The following LRP1B variants were observed in gnomAD, a reference collection of about 807,000 sequenced individuals.
LRP1B encodes the protein LDL receptor related protein 1B.
In LRP1B, 217 loss-of-function variants were observed where a neutral mutation model predicts 556.6. The observed-to-expected ratio is 0.39, with a 90% CI of 0.35 to 0.44. The LOEUF (loss-of-function observed/expected upper bound fraction) is 0.44. LRP1B is among the 20% of genes least tolerant of loss of function. The pLI, the probability that LRP1B is intolerant of heterozygous loss-of-function variation, is 1.00. For synonymous variants in LRP1B, 2,047 were observed against 1,865.8 expected (o/e 1.10, Z -2.50); for missense variants, 5,053 against 5,620.8 (o/e 0.90, Z 3.23).
At chr2:142,110,887 A>G (rs991366398) in intron 1 of LRP1B, among the ~76,000 whole-genome samples, 7 of 152,184 alleles carry the variant, frequency 4.6e-5, no homozygotes, top group African/African-American at 1.7e-4. Flanking sequence ...ATATCCATCT[A>G]TGGCAGCAAT....
intron 23 of LRP1B, among the ~76,000 whole-genome samples, chr2:140,892,622 C>T (rs1000973669): frequency 6.6e-6 from 1 of 152,142 alleles, no homozygotes; most frequent in African/African-American, 2.4e-5. Flanking sequence ...GGAACTGGTT[C>T]TACTTAGTCA....
At chr2:141,792,294 C>T (rs952557142) in intron 2 of LRP1B, among the ~76,000 whole-genome samples, 1 of 151,844 alleles carries the variant, frequency 6.6e-6, no homozygotes, top group Non-Finnish European at 1.5e-5. Context: ...TGATCTCAGA[C>T]CCATACTTTT....
intron 7 of LRP1B, among the ~76,000 whole-genome samples, chr2:141,101,036 C>G (rs1360476286): frequency 6.6e-6 from 1 of 151,992 alleles, no homozygotes. Flanking sequence ...CATGCAAGGC[C>G]GTGAGTGTCA....
intron 7 of LRP1B, among the ~76,000 whole-genome samples, chr2:141,155,934 A>G (rs1702054741): frequency 1.3e-5 from 2 of 152,168 alleles, no homozygotes; most frequent in African/African-American, 4.8e-5. Flanking sequence ...CCTTAAGATG[A>G]TGTCAGGATA....
At chr2:140,575,858 G>A (rs2105119893) in intron 43 of LRP1B, among the ~76,000 whole-genome samples, 1 of 151,978 alleles carries the variant, frequency 6.6e-6, no homozygotes, top group African/African-American at 2.4e-5. Context: ...GAAGGTGGAG[G>A]TTGCAATGAG....
chr2:140,940,580 G>C (rs1369377982), intron 20 of LRP1B, among the ~76,000 whole-genome samples: 11 of 152,012 alleles, frequency 7.2e-5, no homozygotes, highest in African/African-American at 2.4e-4. Context: ...GTCAGACCTG[G>C]GCTTTAGAGG....
At chr2:141,881,383 G>A (rs1441645431) in intron 1 of LRP1B, among the ~76,000 whole-genome samples, 2 of 152,096 alleles carry the variant, frequency 1.3e-5, no homozygotes, top group East Asian at 3.9e-4. Context: ...CCAAATCTTG[G>A]CATCTTAGAT....
chr2:141,261,835 T>C (rs957179161), intron 3 of LRP1B, among the ~76,000 whole-genome samples: 3 of 152,208 alleles, frequency 2.0e-5, no homozygotes, highest in Non-Finnish European at 4.4e-5. Context: ...TTACTATGCA[T>C]TAAGTCTCTA....
chr2:141,034,056 T>C (rs554159246), intron 11 of LRP1B, among the ~76,000 whole-genome samples: 1 of 152,262 alleles, frequency 6.6e-6, no homozygotes, highest in East Asian at 1.9e-4. Flanking sequence ...TTATTAACTT[T>C]CTTTAAAGAG....
intron 18 of LRP1B, among the ~76,000 whole-genome samples, chr2:140,954,423 A>C (rs928778254): frequency 6.6e-6 from 1 of 152,106 alleles, no homozygotes; most frequent in African/African-American, 2.4e-5. Flanking sequence ...TAATAAGCTA[A>C]TTTAAATTTT....
intron 41 of LRP1B, among the ~76,000 whole-genome samples, chr2:140,618,229 A>G (rs2105243078): frequency 6.6e-6 from 1 of 151,056 alleles, no homozygotes; most frequent in South Asian, 2.1e-4. Context: ...ATTAAGACAG[A>G]GAAAAAATAA....
intron 18 of LRP1B, among the ~76,000 whole-genome samples, chr2:140,956,393 G>C (rs978734316): frequency 1.1e-4 from 17 of 151,696 alleles, no homozygotes; most frequent in African/African-American, 4.1e-4. Context: ...AAAGATTTGG[G>C]AAGGAATTAA....
intron 43 of LRP1B, among the ~76,000 whole-genome samples, chr2:140,566,698 G>C (rs1236177688): frequency 1.3e-5 from 2 of 152,142 alleles, no homozygotes; most frequent in Non-Finnish European, 2.9e-5. Flanking sequence ...GCAATGCCTA[G>C]CTTCTCAGGG....
intron 41 of LRP1B, among the ~76,000 whole-genome samples, chr2:140,632,519 C>CT (rs1219245311): frequency 6.6e-6 from 1 of 151,290 alleles, no homozygotes; most frequent in African/African-American, 2.4e-5. Flanking sequence ...AATTGATATG[C>CT]TAAAAGAGGA....
At position 140,536,573 on chromosome 2, in the gene LRP1B, A is replaced by G. The variant is rs755109219; in HGVS notation, c.7642+8T>C. The G allele has an allele frequency of 6.2e-7, 1 of 1,604,140 alleles. No individual in the cohort carries two copies. The highest frequency in any genetic ancestry group is 8.5e-7 in the Non-Finnish European group (1 of 1,176,750). ...TCTGAAACGAGCAAACCCATATTGG[A>G]CACTTACCACAGTAGAGCAGTTTTT... On this transcript the variant is annotated splice_region_variant and intron_variant, in intron 46 of 90. Transcript: ENST00000389484.
chr2:140,237,684 T>G lies in LRP1B; in HGVS notation c.13560+468A>C, dbSNP rs1680768452. On this transcript the variant is annotated intron_variant, in intron 89 of 90. Coordinates refer to ENST00000389484, the MANE Select transcript of LRP1B (RefSeq NM_018557.3). ...TTTTCAGCCATATTTCTAGAAGCTG[T>G]GCATGTATTGGTCTTCTCCTTGCAT... is the stretch of plus-strand genomic sequence containing the variant. Among the ~76,000 whole-genome samples the G allele has an allele frequency of 2.0e-5, 3 of 150,854 alleles. 1 individual carries two copies. The highest frequency in any genetic ancestry group is 4.1e-4 in the South Asian group (2 of 4,822).
At chr2:141,609,963 C>A (rs1688047682) in intron 2 of LRP1B, among the ~76,000 whole-genome samples, 1 of 152,132 alleles carries the variant, frequency 6.6e-6, no homozygotes, top group African/African-American at 2.4e-5. Flanking sequence ...CCAAATAAAT[C>A]AATACCTAAT....
intron 1 of LRP1B, among the ~76,000 whole-genome samples, chr2:141,933,627 C>T (rs533078581): frequency 7.2e-5 from 11 of 152,196 alleles, no homozygotes; most frequent in Middle Eastern, 3.4e-3. Flanking sequence ...AATCACTAGC[C>T]TGCTCTGGCT....
chr2:140,880,349 G>A (rs1693435220), intron 25 of LRP1B, among the ~76,000 whole-genome samples: 1 of 152,016 alleles, frequency 6.6e-6, no homozygotes, highest in Non-Finnish European at 1.5e-5. Flanking sequence ...TGTTTAAAAC[G>A]GGATTCATGG....
Sources: gnomAD v4.1 joint callset for allele counts (sites outside exome capture counted in the v4.1 genomes callset) on GRCh38, gnomAD v4.1.1 for gene constraint, MANE v1.5 for transcripts, NCBI Gene and HGNC (gene_info 2026-07-23, HGNC 2026-07-21) for gene names.